The following LRPPRC variants were observed in gnomAD, a reference collection of about 807,000 sequenced individuals.
LRPPRC encodes leucine-rich PPR motif-containing protein, mitochondrial.
A neutral mutation model predicts 180.3 loss-of-function variants in LRPPRC; 120 were observed. The ratio of observed to expected loss-of-function variants is 0.67; its 90% CI spans 0.57 to 0.77. LRPPRC has a LOEUF of 0.77. LRPPRC is among the 30% of genes least tolerant of loss of function. The probability of loss-of-function intolerance (pLI) is 0.00; values close to 1 mark genes in which losing one functional copy is unlikely to be tolerated. For missense variants in LRPPRC, 2,012 were observed against 1,657.2 expected, an observed-to-expected ratio of 1.21 and a Z score of -3.72; for synonymous variants, 723 against 600.0, an observed-to-expected ratio of 1.21 and a Z score of -3.00.
At chr2:43,915,956 G>C (rs1013080833) in intron 29 of LRPPRC, among the ~76,000 whole-genome samples, 4 of 152,000 alleles carry the variant, frequency 2.6e-5, no homozygotes, top group Non-Finnish European at 5.9e-5. Flanking sequence ...TGAACAGATG[G>C]GATACCACTA....
intron 27 of LRPPRC, among the ~76,000 whole-genome samples, chr2:43,923,770 C>T (rs1671781234): frequency 6.7e-6 from 1 of 149,522 alleles, no homozygotes; most frequent in African/African-American, 2.5e-5. Context: ...AATAATAAGA[C>T]ATATTTAGAC....
chr2:43,971,053 T>G (rs1389239125), intron 11 of LRPPRC, among the ~76,000 whole-genome samples: 1 of 150,168 alleles, frequency 6.7e-6, no homozygotes, highest in East Asian at 1.9e-4. Flanking sequence ...GGAGCCGAGA[T>G]AGTGCCATTG....
rs908822636 is a variant in LRPPRC, at chr2:43,899,252, T to C, written c.3792A>G (p.Ala1264=). The change falls in exon 34 of 38, where the codon GCA becomes GCG. Residue 1264 remains alanine (A), a synonymous_variant. Transcript: ENST00000260665. ...GAGCTCTGGCATCATCCACCTTGCC[T>C]GCATCCACAAGTTGAAGGAAAAAAT... ...VTDFFLQLVD[A]GKVDDARALL... 1 of 1,614,074 alleles carries C rather than the reference T, an allele frequency of 6.2e-7. No homozygotes were observed. Among genetic ancestry groups the C allele is most frequent in the Non-Finnish European group, 8.5e-7 (1 of 1,179,940 alleles).
chr2:43,959,102 G>A (rs1673233754), intron 13 of LRPPRC: 2 of 652,206 alleles, frequency 3.1e-6, no homozygotes, highest in Non-Finnish European at 5.6e-6. Context: ...TCAAGAGGTT[G>A]ACAACGAAGT....
At chr2:43,969,657 A>C (rs1398722245) in intron 11 of LRPPRC, among the ~76,000 whole-genome samples, 2 of 152,118 alleles carry the variant, frequency 1.3e-5, no homozygotes, top group Non-Finnish European at 2.9e-5. Flanking sequence ...GCAGAATCCT[A>C]AAACTACTAA....
chr2:43,927,499 A>G (rs1000191464), intron 25 of LRPPRC, among the ~76,000 whole-genome samples: 8 of 152,224 alleles, frequency 5.3e-5, no homozygotes, highest in African/African-American at 1.9e-4. Flanking sequence ...ATCTACACTC[A>G]GGCACAATTT....
chr2:43,933,509 G>A (rs944731259), intron 25 of LRPPRC, among the ~76,000 whole-genome samples: 1 of 152,190 alleles, frequency 6.6e-6, no homozygotes, highest in African/African-American at 2.4e-5. Context: ...ATCTTCTGCG[G>A]AATGTTTTGT....
intron 2 of LRPPRC, among the ~76,000 whole-genome samples, chr2:43,981,100 A>C (rs774701422): frequency 3.9e-5 from 6 of 152,060 alleles, no homozygotes; most frequent in Non-Finnish European, 8.8e-5. Flanking sequence ...AATTATGCAT[A>C]TGTTTGCATG....
chr2:43,976,704 A>G (rs781315342), intron 5 of LRPPRC, among the ~76,000 whole-genome samples: 2 of 149,588 alleles, frequency 1.3e-5, no homozygotes, highest in Non-Finnish European at 3.0e-5. Context: ...CCCTTAGGAA[A>G]TATTTAAAAA....
intron 36 of LRPPRC, among the ~76,000 whole-genome samples, chr2:43,891,002 G>A (rs564421292): frequency 4.4e-4 from 67 of 152,290 alleles, no homozygotes; most frequent in African/African-American, 1.5e-3. Flanking sequence ...CAGCACCAGG[G>A]GAACCCCTAA....
chr2:43,893,197 A>G (rs1670557364), intron 36 of LRPPRC, among the ~76,000 whole-genome samples: 1 of 152,214 alleles, frequency 6.6e-6, no homozygotes, highest in Non-Finnish European at 1.5e-5. Flanking sequence ...GAAGGAATCT[A>G]CTCTTGGTAA....
intron 20 of LRPPRC, among the ~76,000 whole-genome samples, chr2:43,946,978 C>T (rs922818557): frequency 6.6e-6 from 1 of 151,952 alleles, no homozygotes; most frequent in Non-Finnish European, 1.5e-5. Context: ...TATAAGAGAC[C>T]GGAGCCATGG....
intron 12 of LRPPRC, among the ~76,000 whole-genome samples, chr2:43,961,947 A>G (rs998524881): frequency 6.6e-6 from 1 of 152,210 alleles, no homozygotes; most frequent in Non-Finnish European, 1.5e-5. Flanking sequence ...TGGGCGACAG[A>G]GCAAGACTCT....
At chr2:43,949,797 C>G in intron 15 of LRPPRC, 138 bp from the exon 16 acceptor site, 1 of 691,802 alleles carries the variant, frequency 1.4e-6, no homozygotes, top group Non-Finnish European at 2.7e-6. Context: ...AAAACCACCC[C>G]CACCCGCCAA....
At chr2:43,926,059 CAAAT>C in intron 25 of LRPPRC, 98 bp from the exon 26 acceptor site, 1 of 726,600 alleles carries the variant, frequency 1.4e-6, no homozygotes, top group Non-Finnish European at 2.5e-6. Context: ...AATTTGCTGC[CAAAT>C]ATATATACTA....
At chr2:43,995,534 G>A (rs1318683577) in intron 1 of LRPPRC, among the ~76,000 whole-genome samples, 1 of 152,222 alleles carries the variant, frequency 6.6e-6, no homozygotes, top group African/African-American at 2.4e-5. Flanking sequence ...TGGGTACCCC[G>A]AGGGCAGTAA....
In LRPPRC at chr2:43,957,403, A is replaced by T. The variant is rs758168637; in HGVS notation, c.1631T>A (p.Leu544Gln). The change falls in exon 14 of 38, where the codon CTA becomes CAA. Residue 544 changes from leucine (L) to glutamine (Q), a missense_variant. Leu to Gln is a moderately radical substitution (Grantham distance 113). Transcript: ENST00000260665. ...ATCTTACCTCCTGAAGCCTAGCAGT[A>T]GGCTACTTCTTATAGACTGCAGCGA... The part of the protein sequence containing the change: ...PISLQSIRSS[L>Q]LLGFRRSMNI... The T allele has an allele frequency of 6.2e-7, 1 of 1,612,910 alleles. No homozygotes were observed. The highest frequency in any genetic ancestry group is 2.2e-5 in the East Asian group (1 of 44,850).
At position 43,888,519 on chromosome 2, in the gene LRPPRC, T is replaced by G. The variant is rs1242523378; in HGVS notation, c.*81A>C. 14 of 912,590 alleles carry G rather than the reference T, an allele frequency of 1.5e-5. No homozygotes were observed. Among genetic ancestry groups the G allele is most frequent in the Non-Finnish European group, 2.5e-5 (14 of 552,796 alleles). 56.5% of individuals were successfully genotyped at this position (912,590 alleles called of 1,614,324 possible). A position where few individuals can be genotyped will look rare whatever the true frequency, so the allele number is the denominator to read the frequency against. On this transcript the variant is annotated 3_prime_UTR_variant, in exon 38 of 38. Coordinates refer to ENST00000260665, the MANE Select transcript of LRPPRC (RefSeq NM_133259.4). ...AGTACATAAAGAAAATTTTCATTTA[T>G]TTTTCCCTCAGATATACTTCAAAAT...
At chr2:43,963,732 G>T in intron 11 of LRPPRC, 26 bp from the exon 12 acceptor site, 2 of 1,152,514 alleles carry the variant, frequency 1.7e-6, no homozygotes, top group Non-Finnish European at 1.3e-6. Flanking sequence ...TAGAAGCACA[G>T]AGATAGAGAA....
Sources: allele counts gnomAD v4.1 joint callset (sites outside exome capture counted in the v4.1 genomes callset), GRCh38; gene constraint gnomAD v4.1.1; transcripts MANE v1.5; gene names NCBI Gene and HGNC (gene_info 2026-07-23, HGNC 2026-07-21).